ZNF783: variants seen among roughly 807,000 people sequenced by gnomAD.
The protein encoded by ZNF783 is zinc finger protein 783.
In ZNF783, 25 loss-of-function variants were observed where a neutral mutation model predicts 31.3. The observed-to-expected ratio is 0.80, with a 90% confidence interval of 0.58 to 1.11. The LOEUF (loss-of-function observed/expected upper bound fraction) is 1.11, where lower values mean the gene tolerates loss of function less well. ZNF783 is among the 50% of genes most tolerant of loss of function. The probability of loss-of-function intolerance (pLI) is 0.00; values close to 1 mark genes in which losing one functional copy is unlikely to be tolerated. For missense variants in ZNF783, 797 were observed against 760.0 expected (o/e 1.05, Z -0.57); for synonymous variants, 369 against 319.1 (o/e 1.16, Z -1.66).
At position 149,262,300 on chromosome 7, in the gene ZNF783, A is replaced by T; in HGVS notation, c.-34A>T. 1 of 1,359,200 alleles carries T rather than the reference A, an allele frequency of 7.4e-7. No homozygotes were observed. Among genetic ancestry groups the T allele is most frequent in the South Asian group, 1.6e-5 (1 of 62,490 alleles). 84.2% of individuals were successfully genotyped at this position (1,359,200 alleles called of 1,614,324 possible). On this transcript the variant is annotated 5_prime_UTR_variant, in exon 1 of 6. Coordinates refer to ENST00000434415, the MANE Select transcript of ZNF783 (RefSeq NM_001195220.2). ...GCCCCGGGCCCGACAGGCCGGGTCCAGGGACTGCAACCCAGCGAGGGACGC... is the reference window on the plus strand; with the variant it reads ...GCCCCGGGCCCGACAGGCCGGGTCCTGGGACTGCAACCCAGCGAGGGACGC...
intron 4 of ZNF783, among the ~76,000 whole-genome samples, chr7:149,267,586 A>G (rs1416885124): frequency 2.6e-5 from 4 of 152,078 alleles, no homozygotes; most frequent in East Asian, 1.9e-4. Flanking sequence ...TCATGAGGTC[A>G]GGAGATCGAG....
In ZNF783 at chr7:149,284,135, A is replaced by G. The variant is rs540943156; in HGVS notation, c.*1792A>G. On this transcript the variant is annotated 3_prime_UTR_variant, in exon 6 of 6. Transcript: ENST00000434415. ...TCACACCACTGCGGACGCTGTCTGTAGAGCAGCCTTGGTGTGGGTGACTCT... is the reference window on the plus strand; with the variant it reads ...TCACACCACTGCGGACGCTGTCTGTGGAGCAGCCTTGGTGTGGGTGACTCT... 2.1e-4 allele frequency: 32 copies of G among 152,334 alleles called. No individual in the cohort carries two copies. Among genetic ancestry groups the G allele is most frequent in the Admixed American group, 1.8e-3 (27 of 15,298 alleles). 9.4% of individuals were successfully genotyped at this position (152,334 alleles called of 1,614,324 possible). A position where few individuals can be genotyped will look rare whatever the true frequency, so the allele number is the denominator to read the frequency against.
rs561699890 is a variant in ZNF783 at position 149,280,627 on chromosome 7, C to T, written c.803-878C>T. Among the ~76,000 whole-genome samples, 4 of 152,314 alleles carry T rather than the reference C, an allele frequency of 2.6e-5. No individual in the cohort carries two copies. In the East Asian group the frequency reaches 5.8e-4, roughly 22 times the overall value. ...GGCATCAGATCCCAGGCATGTGGTC[C>T]GATGATGATGGAAAAGCTGTTCACG... On this transcript the variant is annotated intron_variant, in intron 5 of 5. Transcript: ENST00000434415.
chr7:149,262,220 C>A lies in ZNF783; in HGVS notation c.-114C>A. 2 of 971,892 alleles carry A rather than the reference C, an allele frequency of 2.1e-6. No homozygotes were observed. The highest frequency in any genetic ancestry group is 2.7e-6 in the Non-Finnish European group (2 of 742,166). The allele number at this position is 971,892 out of a possible 1,614,324, so 60.2% of individuals were successfully genotyped here. A position where few individuals can be genotyped will look rare whatever the true frequency, so the allele number is the denominator to read the frequency against. Reference sequence around the variant, plus strand: ...CGGGACGCAGTTCGCTGCCGCCCGGCAGTAGCTCTCAGGTTAGGCGGGTCC... The same window carrying A: ...CGGGACGCAGTTCGCTGCCGCCCGGAAGTAGCTCTCAGGTTAGGCGGGTCC... On this transcript the variant is annotated 5_prime_UTR_variant, in exon 1 of 6. Coordinates refer to ENST00000434415, the MANE Select transcript of ZNF783 (RefSeq NM_001195220.2).
chr7:149,284,161 G>A lies in ZNF783; in HGVS notation c.*1818G>A, dbSNP rs146936057. Reference sequence around the variant, plus strand: ...GAGCAGCCTTGGTGTGGGTGACTCTGAAGCTGGAGTGATGGGACCCCAGCT... The same window carrying A: ...GAGCAGCCTTGGTGTGGGTGACTCTAAAGCTGGAGTGATGGGACCCCAGCT... On this transcript the variant is annotated 3_prime_UTR_variant, in exon 6 of 6. Transcript: ENST00000434415. 5 of 152,394 alleles carry A rather than the reference G, an allele frequency of 3.3e-5. No homozygotes were observed. The highest frequency in any genetic ancestry group is 1.2e-4 in the African/African-American group (5 of 41,580). 9.4% of individuals were successfully genotyped at this position (152,394 alleles called of 1,614,324 possible). A position where few individuals can be genotyped will look rare whatever the true frequency, so the allele number is the denominator to read the frequency against.
intron 5 of ZNF783, among the ~76,000 whole-genome samples, chr7:149,280,377 G>A (rs575438761): frequency 4.6e-5 from 7 of 151,754 alleles, no homozygotes; most frequent in East Asian, 2.0e-4. Flanking sequence ...ACCTGTGGCC[G>A]CAGCAGAGCC....
intron 4 of ZNF783, 106 bp downstream of exon 4, chr7:149,267,328 T>G: frequency 6.9e-7 from 1 of 1,446,662 alleles, no homozygotes; most frequent in Non-Finnish European, 9.1e-7. Context: ...GAAGGGAGCA[T>G]AGACCATTAA....
At chr7:149,267,265 T>C (rs1797101932) in intron 4 of ZNF783, 43 bp downstream of exon 4, 2 of 1,544,686 alleles carry the variant, frequency 1.3e-6, no homozygotes, top group Admixed American at 3.9e-5. Context: ...CGCCAGGGGC[T>C]AGCTGCACCA....
chr7:149,276,491 C>T (rs1797331925), intron 4 of ZNF783: 4 of 985,338 alleles, frequency 4.1e-6, no homozygotes, highest in African/African-American at 1.7e-5. Context: ...CTCTCCCGTA[C>T]GTAAAGGGGA....
At chr7:149,278,018 C>G in intron 4 of ZNF783, 1 of 321,320 alleles carries the variant, frequency 3.1e-6, no homozygotes, top group Admixed American at 4.6e-5. Flanking sequence ...CCTTGGGTCC[C>G]CTATGCCATA....
rs1032966057 is a variant in ZNF783 at position 149,284,782 on chromosome 7, A to G, written c.*2439A>G. ...TAAGTAACGTTCTTTACATTGAAAC[A>G]AGTCAACCGAAGCTTTGTGGTGCAG... On this transcript the variant is annotated 3_prime_UTR_variant, in exon 6 of 6. Transcript: ENST00000434415. 30 of 152,228 alleles carry G rather than the reference A, an allele frequency of 2.0e-4. No homozygotes were observed. Among genetic ancestry groups the G allele is most frequent in the African/African-American group, 7.2e-4 (30 of 41,438 alleles). The allele number at this position is 152,228 out of a possible 1,614,324, so 9.4% of individuals were successfully genotyped here.
rs1260525257 is a variant in ZNF783 at position 149,282,374 on chromosome 7, G to A, written c.*31G>A. 1.4e-6 allele frequency: 2 copies of A among 1,443,526 alleles called. No homozygotes were observed. The highest frequency in any genetic ancestry group is 1.4e-5 in the African/African-American group (1 of 69,756). 89.4% of individuals were successfully genotyped at this position (1,443,526 alleles called of 1,614,324 possible). A position where few individuals can be genotyped will look rare whatever the true frequency, so the allele number is the denominator to read the frequency against. On this transcript the variant is annotated 3_prime_UTR_variant, in exon 6 of 6. Transcript: ENST00000434415. ...CAGGAGCCCACAGAGGACCCCTGGC[G>A]GGGTCTCTCCCCTGTGCCTGACGCA...
At chr7:149,269,163 C>T (rs180822607) in intron 4 of ZNF783, among the ~76,000 whole-genome samples, 2 of 152,280 alleles carry the variant, frequency 1.3e-5, no homozygotes, top group East Asian at 1.9e-4. Flanking sequence ...GATGGTATCT[C>T]ATGGTTTTGA....
At position 149,278,497 on chromosome 7, in the gene ZNF783, G is replaced by A; in HGVS notation, c.772G>A (p.Ala258Thr). The A allele has an allele frequency of 6.3e-7, 1 of 1,599,370 alleles. No individual in the cohort carries two copies. The highest frequency in any genetic ancestry group is 8.5e-7 in the Non-Finnish European group (1 of 1,179,796). The change falls in exon 5 of 6, where the codon GCG becomes ACG. Residue 258 changes from alanine to threonine, a missense_variant. Physicochemically the swap from Ala to Thr is moderately conservative, Grantham distance 58 (BLOSUM62 0). Transcript: ENST00000434415. ...QAPKQQQDSEARVAPAGPEAG... is the reference protein window; with the variant it reads ...QAPKQQQDSETRVAPAGPEAG... ...CCCCAAGCAGCAGCAGGACTCAGAG[G>A]CGAGAGTGGCCCCAGCCGGGCCAGA...
rs1173308264 is a variant in ZNF783, at chr7:149,278,016, C to G, written c.674-383C>G. On this transcript the variant is annotated intron_variant, in intron 4 of 5. Coordinates refer to ENST00000434415, the MANE Select transcript of ZNF783 (RefSeq NM_001195220.2). ...GTTGTGTTTCTGCCCTGCCTTGGGT[C>G]CCCTATGCCATAAGAGCAGCTTGGA... The G allele has an allele frequency of 1.3e-5, 4 of 304,312 alleles. No homozygotes were observed. The Admixed American group carries it at 1.9e-4, about 14-fold the overall frequency. 18.9% of individuals were successfully genotyped at this position (304,312 alleles called of 1,614,324 possible). A position where few individuals can be genotyped will look rare whatever the true frequency, so the allele number is the denominator to read the frequency against.
Position 149,269,428 on chromosome 7 carries a change from G to A in ZNF783, c.673+2206G>A, listed in dbSNP as rs7803563. On this transcript the variant is annotated intron_variant, in intron 4 of 5. Transcript: ENST00000434415. ...TGCAGAAGCTCTTTAGTTTAATTAG[G>A]TCCCACTTGTCAATTTTTGTTTTTG... Among the ~76,000 whole-genome samples, 1,222 of 152,234 alleles carry A rather than the reference G, an allele frequency of 8.0e-3. 13 individuals are homozygous for A. Among genetic ancestry groups the A allele is most frequent in the African/African-American group, 0.028 (1,158 of 41,552 alleles).
chr7:149,263,251 A>G (rs1269804657), intron 1 of ZNF783, among the ~76,000 whole-genome samples: 1 of 148,664 alleles, frequency 6.7e-6, no homozygotes, highest in Non-Finnish European at 1.5e-5. Context: ...TAATTAAAAA[A>G]GTATATATAT....
chr7:149,278,148 C>A (rs955152400), intron 4 of ZNF783: 1 of 1,258,554 alleles, frequency 7.9e-7, no homozygotes, highest in Non-Finnish European at 1.0e-6. Context: ...TCTGTCATGA[C>A]CTGCCTGGCG....
At chr7:149,271,620 T>G (rs1797212932) in intron 4 of ZNF783, among the ~76,000 whole-genome samples, 1 of 122,898 alleles carries the variant, frequency 8.1e-6, no homozygotes, top group South Asian at 2.8e-4. Context: ...TTTAACTTAA[T>G]TTTTTGAATA....
Sources: allele counts gnomAD v4.1 joint callset (sites outside exome capture counted in the v4.1 genomes callset), GRCh38; gene constraint gnomAD v4.1.1; transcripts MANE v1.5; gene names NCBI Gene and HGNC (gene_info 2026-07-23, HGNC 2026-07-21).